Variants in ZEB1 observed in about 807,000 individuals in gnomAD.
ZEB1 encodes zinc finger E-box binding homeobox 1.
In ZEB1, 21 loss-of-function variants were observed where a neutral mutation model predicts 84.9. The observed-to-expected ratio is 0.25, with a 90% CI of 0.18 to 0.36. The LOEUF is 0.36. Among genes scored for constraint, ZEB1 ranks in the 10% least tolerant of loss-of-function variants. ZEB1 has a pLI of 1.00. For synonymous variants in ZEB1, 420 were observed against 471.1 expected (o/e 0.89, Z 1.41); for missense variants, 1,104 against 1,330.2 (o/e 0.83, Z 2.65).
chr10:31,403,988 G>T (rs1044983553), intron 1 of ZEB1, among the ~76,000 whole-genome samples: 3 of 151,976 alleles, frequency 2.0e-5, no homozygotes, highest in Non-Finnish European at 4.4e-5. Flanking sequence ...AGTCTTTAAG[G>T]AATAAACTAT....
At chr10:31,426,595 A>T (rs1008197455) in intron 1 of ZEB1, among the ~76,000 whole-genome samples, 1 of 152,196 alleles carries the variant, frequency 6.6e-6, no homozygotes, top group Non-Finnish European at 1.5e-5. Context: ...ACATCCTGTG[A>T]TCTGACTGTT....
chr10:31,500,681 G>A (rs867655630), intron 3 of ZEB1, among the ~76,000 whole-genome samples: 20 of 152,226 alleles, frequency 1.3e-4, no homozygotes, highest in African/African-American at 4.3e-4. Context: ...AGAGGAATAC[G>A]CCTTTTCTCT....
At chr10:31,352,357 A>G (rs1489347183) in intron 1 of ZEB1, among the ~76,000 whole-genome samples, 2 of 152,248 alleles carry the variant, frequency 1.3e-5, no homozygotes, top group African/African-American at 2.4e-5. Flanking sequence ...ACAAAAAAAC[A>G]AAAATTTGGC....
chr10:31,452,701 A>ATGTGTGTGTGTGTG (rs377004895), intron 1 of ZEB1, among the ~76,000 whole-genome samples: 9 of 90,346 alleles, frequency 1.0e-4, no homozygotes, highest in South Asian at 6.0e-4. Context: ...TTAGGATAAA[A>ATGTGTGTGTGTGTG]TGTGTGTGTG....
At chr10:31,319,047 T>G (rs762213699), upstream of ZEB1, 3 of 634,318 alleles carry the variant, frequency 4.7e-6, no homozygotes, top group African/African-American at 3.6e-5. Flanking sequence ...AACCGCCCGG[T>G]CCCTAGCAAC....
At chr10:31,525,052 A>C (rs2073165005) in intron 8 of ZEB1, among the ~76,000 whole-genome samples, 1 of 152,218 alleles carries the variant, frequency 6.6e-6, no homozygotes, top group African/African-American at 2.4e-5. Context: ...TTTTGTTTTT[A>C]CATTTTTAAA....
chr10:31,473,997 G>T (rs1482449857), intron 2 of ZEB1, among the ~76,000 whole-genome samples: 1 of 152,162 alleles, frequency 6.6e-6, no homozygotes, highest in Non-Finnish European at 1.5e-5. Context: ...TGGGAAAACC[G>T]GCTAGCCATA....
intron 1 of ZEB1, among the ~76,000 whole-genome samples, chr10:31,411,548 C>T (rs2054268897): frequency 2.0e-5 from 3 of 147,854 alleles, no homozygotes; most frequent in Non-Finnish European, 3.0e-5. Flanking sequence ...AGGAGAATGG[C>T]GTGAACCTGG....
intron 1 of ZEB1, among the ~76,000 whole-genome samples, chr10:31,405,426 C>A (rs894775175): frequency 5.9e-5 from 9 of 152,244 alleles, no homozygotes; most frequent in Middle Eastern, 3.4e-3. Context: ...GGGCTTTACC[C>A]AGAAAAGTGT....
chr10:31,425,229 TAGAC>T (rs1221809713), intron 1 of ZEB1, among the ~76,000 whole-genome samples: 3 of 152,082 alleles, frequency 2.0e-5, no homozygotes, highest in Non-Finnish European at 2.9e-5. Flanking sequence ...GAATTTGAGT[TAGAC>T]AGCCTTTTTA....
intron 1 of ZEB1, among the ~76,000 whole-genome samples, chr10:31,427,124 G>A (rs2057046265): frequency 6.6e-6 from 1 of 151,650 alleles, no homozygotes; most frequent in African/African-American, 2.4e-5. Flanking sequence ...GTGCAAGCTT[G>A]TCGTAATTCA....
chr10:31,481,604 G>A (rs542074267), intron 2 of ZEB1, among the ~76,000 whole-genome samples: 8 of 151,948 alleles, frequency 5.3e-5, no homozygotes, highest in East Asian at 2.0e-4. Context: ...CAGGAGGATC[G>A]CTTGAGACCA....
intron 2 of ZEB1, among the ~76,000 whole-genome samples, chr10:31,487,674 T>C (rs888737776): frequency 1.3e-5 from 2 of 151,372 alleles, no homozygotes; most frequent in East Asian, 3.9e-4. Flanking sequence ...TCAAGAGAGG[T>C]GATAACGGAC....
chr10:31,331,009 G>T (rs1289429338), intron 1 of ZEB1, among the ~76,000 whole-genome samples: 1 of 150,080 alleles, frequency 6.7e-6, no homozygotes, highest in Non-Finnish European at 1.5e-5. Flanking sequence ...GTATCCTTAG[G>T]TGCATTTATA....
chr10:31,457,138 TATG>T (rs2061332122), intron 1 of ZEB1, among the ~76,000 whole-genome samples: 1 of 152,196 alleles, frequency 6.6e-6, no homozygotes, highest in Non-Finnish European at 1.5e-5. Flanking sequence ...GATGATCACC[TATG>T]ATTGTTATTT....
intron 1 of ZEB1, among the ~76,000 whole-genome samples, chr10:31,438,607 C>G (rs548730754): frequency 1.3e-5 from 2 of 152,086 alleles, no homozygotes; most frequent in Non-Finnish European, 2.9e-5. Context: ...AAGGCCAAGC[C>G]GGAGGATTGC....
chr10:31,495,877 A>C, intron 3 of ZEB1, 39 bp downstream of exon 3: 2 of 1,609,478 alleles, frequency 1.2e-6, no homozygotes, highest in Non-Finnish European at 1.7e-6. Flanking sequence ...ATAGCCTTTA[A>C]AAGAAGGTCT....
chr10:31,504,690 C>G (rs1463113986), intron 4 of ZEB1, among the ~76,000 whole-genome samples: 1 of 151,768 alleles, frequency 6.6e-6, no homozygotes. Context: ...AAATTTATCC[C>G]TAGGTATTTT....
At position 31,502,388 on chromosome 10, in the gene ZEB1, A is replaced by G; in HGVS notation, c.363A>G (p.Gln121=). The G allele has an allele frequency of 6.2e-7, 1 of 1,613,896 alleles. No individual in the cohort carries two copies. Among genetic ancestry groups the G allele is most frequent in the Non-Finnish European group, 8.5e-7 (1 of 1,179,850 alleles). ...DECESDAENE[Q]NHDPNVEEFL... ...GCGAGTCAGATGCAGAAAATGAGCA[A>G]AACCATGATCCTAATGTTGAAGAGT... The change falls in exon 4 of 9, where the codon CAA becomes CAG. Residue 121 remains glutamine, a synonymous_variant. Transcript: ENST00000424869.
Sources: gnomAD v4.1 joint callset for allele counts (sites outside exome capture counted in the v4.1 genomes callset) on GRCh38, gnomAD v4.1.1 for gene constraint, MANE v1.5 for transcripts, NCBI Gene and HGNC (gene_info 2026-07-23, HGNC 2026-07-21) for gene names.